ADRA1A: variants seen among roughly 807,000 people sequenced by gnomAD.
ADRA1A encodes adrenoceptor alpha 1A.
In ADRA1A, 31 loss-of-function variants were observed where a neutral mutation model predicts 29.6. The ratio of observed to expected loss-of-function variants is 1.05; its 90% CI spans 0.79 to 1.41. The LOEUF (loss-of-function observed/expected upper bound fraction) is 1.41, where lower values mean the gene tolerates loss of function less well. ADRA1A is among the 40% of genes most tolerant of loss of function. ADRA1A has a pLI of 0.00. For missense variants in ADRA1A, 619 were observed against 601.1 expected (o/e 1.03, Z -0.31); for synonymous variants, 311 against 254.3 (o/e 1.22, Z -2.12).
chr8:26,766,383 C>T (rs561763805), downstream of ADRA1A, among the ~76,000 whole-genome samples: 2 of 152,302 alleles, frequency 1.3e-5, no homozygotes, highest in East Asian at 1.9e-4. Context: ...CTTCCCCCAG[C>T]GTGCCATAGT....
intron 2 of ADRA1A, among the ~76,000 whole-genome samples, chr8:26,863,305 T>C (rs1813618227): frequency 6.6e-6 from 1 of 152,230 alleles, no homozygotes. Context: ...TGACAACAGC[T>C]AATTTAGCAT....
chr8:26,759,590 C>A (rs1466075520), intron 2 of ADRA1A, among the ~76,000 whole-genome samples: 1 of 152,160 alleles, frequency 6.6e-6, no homozygotes, highest in Admixed American at 6.5e-5. Flanking sequence ...CCACTGTCAC[C>A]TCTGTTATGA....
chr8:26,812,234 C>T (rs900896212), intron 2 of ADRA1A, among the ~76,000 whole-genome samples: 1 of 152,186 alleles, frequency 6.6e-6, no homozygotes, highest in Non-Finnish European at 1.5e-5. Context: ...TCTTCCTCCT[C>T]CTCTGCTCCC....
At chr8:26,756,321 A>C, downstream of ADRA1A, 1 of 676,898 alleles carries the variant, frequency 1.5e-6, no homozygotes, top group South Asian at 2.0e-5. Flanking sequence ...TCTTAAGAAT[A>C]TTTTAACCCA....
intron 2 of ADRA1A, chr8:26,836,169 G>C (rs1811344003): frequency 4.1e-6 from 1 of 243,304 alleles, no homozygotes; most frequent in African/African-American, 2.3e-5. Flanking sequence ...AGTCTGGTTG[G>C]GGAAGCGTCT....
intron 2 of ADRA1A, among the ~76,000 whole-genome samples, chr8:26,792,280 A>T (rs1426098265): frequency 6.6e-6 from 1 of 152,078 alleles, no homozygotes; most frequent in African/African-American, 2.4e-5. Context: ...ATATTTTATT[A>T]GTTATTTGTA....
intron 2 of ADRA1A, among the ~76,000 whole-genome samples, chr8:26,798,840 C>T (rs1339326551): frequency 6.6e-6 from 1 of 152,204 alleles, no homozygotes; most frequent in African/African-American, 2.4e-5. Context: ...TCCTTGTGCT[C>T]CCACGAGTAC....
chr8:26,769,837 G>A lies in ADRA1A; in HGVS notation c.*312C>T. On this transcript the variant is annotated 3_prime_UTR_variant, in exon 3 of 3. Transcript: ENST00000380573. ...ATGAAATCATAATCCTATATTTATA[G>A]TCTTTTGGATTGTGCATGAAATTCT... 9.1e-7 allele frequency: 1 copy of A among 1,093,230 alleles called. No homozygotes were observed. Among genetic ancestry groups the A allele is most frequent in the Non-Finnish European group, 1.1e-6 (1 of 900,140 alleles). 67.7% of individuals were successfully genotyped at this position (1,093,230 alleles called of 1,614,324 possible). A position where few individuals can be genotyped will look rare whatever the true frequency, so the allele number is the denominator to read the frequency against.
intron 2 of ADRA1A, among the ~76,000 whole-genome samples, chr8:26,780,665 G>A (rs1417017266): frequency 2.0e-5 from 3 of 152,210 alleles, no homozygotes; most frequent in African/African-American, 7.2e-5. Context: ...CCAGTCTGTG[G>A]CCTGTTAGAA....
At chr8:26,842,358 A>T (rs999591335) in intron 2 of ADRA1A, among the ~76,000 whole-genome samples, 1 of 152,172 alleles carries the variant, frequency 6.6e-6, no homozygotes, top group African/African-American at 2.4e-5. Flanking sequence ...GCAAAATATG[A>T]TCAATACTAA....
intron 2 of ADRA1A, among the ~76,000 whole-genome samples, chr8:26,810,532 A>T (rs1585737491): frequency 6.6e-6 from 1 of 152,356 alleles, no homozygotes; most frequent in Admixed American, 6.5e-5. Context: ...AAACAATTCA[A>T]ATAAGAAAGC....
chr8:26,777,107 C>T (rs1563244177), intron 2 of ADRA1A, among the ~76,000 whole-genome samples: 1 of 152,194 alleles, frequency 6.6e-6, no homozygotes, highest in Admixed American at 6.5e-5. Flanking sequence ...CAGAGTCTAC[C>T]AGATGCCTTT....
In ADRA1A at chr8:26,800,594, T is replaced by C. The variant is rs537457417; in HGVS notation, c.884-29928A>G. Among the ~76,000 whole-genome samples, 171 of 152,180 alleles carry C rather than the reference T, an allele frequency of 1.1e-3. 1 individual carries two copies. Among genetic ancestry groups the C allele is most frequent in the Non-Finnish European group, 1.3e-3 (89 of 67,994 alleles). On this transcript the variant is annotated intron_variant, in intron 2 of 2. Coordinates refer to ENST00000380573, the MANE Select transcript of ADRA1A (RefSeq NM_000680.4). ...TGAATAGACCAATAACAAGTAATAA[T>C]ATCAAAGCCATAATAAAAAGTTTCC...
intron 2 of ADRA1A, among the ~76,000 whole-genome samples, chr8:26,842,900 CA>C (rs1811935275): frequency 7.2e-6 from 1 of 139,520 alleles, no homozygotes; most frequent in South Asian, 2.2e-4. Flanking sequence ...CACACACACA[CA>C]CACACACCAC....
chr8:26,856,391 G>A (rs1021636114), intron 2 of ADRA1A, among the ~76,000 whole-genome samples: 1 of 152,176 alleles, frequency 6.6e-6, no homozygotes, highest in Non-Finnish European at 1.5e-5. Context: ...TTGAAATGCT[G>A]TATAAACTCT....
Position 26,857,755 on chromosome 8 carries a change from G to A in ADRA1A, c.883+6332C>T, listed in dbSNP as rs189614364. 3.9e-4 allele frequency among the ~76,000 whole-genome samples: 59 copies of A among 152,276 alleles called. 1 individual carries two copies. Among genetic ancestry groups the A allele is most frequent in the Admixed American group, 1.5e-3 (23 of 15,288 alleles). ...GTGAACCTTTTCCATGAGAACTAGGGAACTGCTCCCTTTGTACCTGCAGTG... is the reference window on the plus strand; with the variant it reads ...GTGAACCTTTTCCATGAGAACTAGGAAACTGCTCCCTTTGTACCTGCAGTG... On this transcript the variant is annotated intron_variant, in intron 2 of 2. Transcript: ENST00000380573.
chr8:26,761,525 T>C (rs550449784), downstream of ADRA1A, among the ~76,000 whole-genome samples: 1 of 152,052 alleles, frequency 6.6e-6, no homozygotes, highest in Non-Finnish European at 1.5e-5. Context: ...AAGAAGAAAT[T>C]GGGACAGAGA....
chr8:26,756,401 A>G (rs1365710636), exon 3 of ADRA1A: 1 of 1,304,784 alleles, frequency 7.7e-7, no homozygotes, highest in Non-Finnish European at 9.8e-7. Flanking sequence ...AATTCCTCAC[A>G]CCCTACACGT....
At chr8:26,755,194 C>T (rs1585622153), downstream of ADRA1A, among the ~76,000 whole-genome samples, 2 of 145,626 alleles carry the variant, frequency 1.4e-5, no homozygotes, top group Non-Finnish European at 3.0e-5. Flanking sequence ...AATAGACCTC[C>T]TTTTTTTTTT....
Sources: gnomAD v4.1 joint callset for allele counts (sites outside exome capture counted in the v4.1 genomes callset) on GRCh38, gnomAD v4.1.1 for gene constraint, MANE v1.5 for transcripts, NCBI Gene and HGNC (gene_info 2026-07-23, HGNC 2026-07-21) for gene names.